The following UQCRC1 variants were observed in gnomAD, a reference collection of about 807,000 sequenced individuals.
UQCRC1 encodes the protein ubiquinol-cytochrome c reductase core protein 1.
In UQCRC1, 34 loss-of-function variants were observed where a neutral mutation model predicts 58.0. The observed-to-expected ratio is 0.59, with a 90% CI of 0.45 to 0.78. The LOEUF (loss-of-function observed/expected upper bound fraction) is 0.78, where lower values mean the gene tolerates loss of function less well. Among genes scored for constraint, UQCRC1 ranks in the 30% least tolerant of loss-of-function variants. The probability of loss-of-function intolerance (pLI) is 0.00; values close to 1 mark genes in which losing one functional copy is unlikely to be tolerated. For missense variants in UQCRC1, 610 were observed against 646.0 expected (o/e 0.94, Z 0.60); for synonymous variants, 276 against 248.8 (o/e 1.11, Z -1.03).
In UQCRC1 at chr3:48,602,293, C is replaced by T. The variant is rs181463541; in HGVS notation, c.707-826G>A. On this transcript the variant is annotated intron_variant, in intron 6 of 12. Transcript: ENST00000203407. ...GTCTCGAGCTCCTGATCTTGTGATC[C>T]GCCCGCCTCGGCCTCCCAAAGTGCT... Among the ~76,000 whole-genome samples, 943 of 152,118 alleles carry T rather than the reference C, an allele frequency of 6.2e-3. 4 individuals are homozygous for T. Among genetic ancestry groups the T allele is most frequent in the Non-Finnish European group, 9.9e-3 (672 of 67,986 alleles).
chr3:48,599,478 A>G, intron 12 of UQCRC1, 157 bp downstream of exon 12: 1 of 816,000 alleles, frequency 1.2e-6, no homozygotes, highest in Non-Finnish European at 1.9e-6. Context: ...TTTTCTGAGC[A>G]AGAACTCCCT....
In UQCRC1 at chr3:48,604,229, T is replaced by C. The variant is rs770821512; in HGVS notation, c.626+4A>G. ...ATCCCCCCACAAGGCCAGCCAACTC[T>C]CACCTGACATTCTCACTGGGCCCCT... On this transcript the variant is annotated splice_donor_region_variant and intron_variant, in intron 5 of 12. Coordinates refer to ENST00000203407, the MANE Select transcript of UQCRC1 (RefSeq NM_003365.3). 1.5e-5 allele frequency: 24 copies of C among 1,611,922 alleles called. No homozygotes were observed. The Admixed American group carries it at 2.8e-4, about 19-fold the overall frequency.
intron 6 of UQCRC1, 37 bp downstream of exon 6, chr3:48,603,527 C>G (rs750386055): frequency 6.2e-7 from 1 of 1,607,220 alleles, no homozygotes; most frequent in African/African-American, 1.3e-5. Flanking sequence ...AAGGCTGGGA[C>G]CCCACTACCC....
Position 48,600,556 on chromosome 3 carries a change from C to T in UQCRC1, c.1139G>A (p.Cys380Tyr). The change falls in exon 10 of 13, where the codon TGT becomes TAT. Residue 380 changes from cysteine (C) to tyrosine (Y), a missense_variant. Physicochemically the swap from Cys to Tyr is radical, Grantham distance 194 (BLOSUM62 -2). Coordinates refer to ENST00000203407, the MANE Select transcript of UQCRC1 (RefSeq NM_003365.3). ...CACCTCACTCTCCGTGGCACTGGTA[C>T]ACAGGCGCATCCTAAAGTGGGGGGG... The part of the protein sequence containing the change: ...FVLQGQWMRL[C>Y]TSATESEVAR... The T allele has an allele frequency of 6.2e-7, 1 of 1,614,116 alleles. No homozygotes were observed. The highest frequency in any genetic ancestry group is 1.6e-4 in the Middle Eastern group (1 of 6,062).
intron 1 of UQCRC1, 31 bp downstream of exon 1, chr3:48,609,521 C>T: frequency 6.5e-7 from 1 of 1,548,784 alleles, no homozygotes; most frequent in South Asian, 1.2e-5. Flanking sequence ...AAGCCCTGTC[C>T]CGAAGCCCCG....
intron 7 of UQCRC1, 26 bp from the exon 8 acceptor site, chr3:48,601,144 G>A: frequency 6.3e-7 from 1 of 1,583,580 alleles, no homozygotes; most frequent in Non-Finnish European, 8.6e-7. Flanking sequence ...ACAAGGCTGA[G>A]GAACAGCCAG....
At position 48,604,116 on chromosome 3, in the gene UQCRC1, G is replaced by A. The variant is rs1028765536; in HGVS notation, c.626+117C>T. 9 of 1,114,870 alleles carry A rather than the reference G, an allele frequency of 8.1e-6. No individual in the cohort carries two copies. In the African/African-American group the frequency reaches 1.2e-4, roughly 15 times the overall value. The allele number at this position is 1,114,870 out of a possible 1,614,324, so 69.1% of individuals were successfully genotyped here. A position where few individuals can be genotyped will look rare whatever the true frequency, so the allele number is the denominator to read the frequency against. On this transcript the variant is annotated intron_variant, in intron 5 of 12. Coordinates refer to ENST00000203407, the MANE Select transcript of UQCRC1 (RefSeq NM_003365.3). Reference sequence around the variant, plus strand: ...CACATGGATACAGAAACTGTCTCCAGTTGCATAACTCAGGAAAATAACCCC... The same window carrying A: ...CACATGGATACAGAAACTGTCTCCAATTGCATAACTCAGGAAAATAACCCC...
chr3:48,603,999 T>TG (rs2046389054), intron 5 of UQCRC1: 1 of 599,044 alleles, frequency 1.7e-6, no homozygotes. Context: ...ACTTCGCCCT[T>TG]GGACTGTCAG....
At position 48,600,792 on chromosome 3, in the gene UQCRC1, G is replaced by A. The variant is rs759969765; in HGVS notation, c.1015C>T (p.Gln339Ter). ...CAGATGCTGAAGGTCTGGAAACTCTGGCATAGCTTGTTGGCCACAGCACCT... is the reference window on the plus strand; with the variant it reads ...CAGATGCTGAAGGTCTGGAAACTCTAGCATAGCTTGTTGGCCACAGCACCT... ...ASGAVANKLC[Q>*]SFQTFSICYA... Residue 339 changes from glutamine (Q) to a stop codon, truncating the protein, a stop_gained, in exon 9 of 13, where the codon CAG (glutamine) becomes TAG (stop). Coordinates refer to ENST00000203407, the MANE Select transcript of UQCRC1 (RefSeq NM_003365.3). LOFTEE classifies it high-confidence loss of function. 5 of 1,613,992 alleles carry A rather than the reference G, an allele frequency of 3.1e-6. No homozygotes were observed. The highest frequency in any genetic ancestry group is 4.2e-6 in the Non-Finnish European group (5 of 1,180,046).
Position 48,599,177 on chromosome 3 carries a change from A to T in UQCRC1, c.1394T>A (p.Leu465His). The change falls in exon 13 of 13, where the codon CTC (leucine) becomes CAC (histidine). Residue 465 changes from leucine to histidine, a missense_variant. Physicochemically the swap from Leu to His is moderately conservative, Grantham distance 99. Coordinates refer to ENST00000203407, the MANE Select transcript of UQCRC1 (RefSeq NM_003365.3). Reference protein sequence around the residue: ...AVAGYGPIEQLPDYNRIRSGM... With the variant: ...AVAGYGPIEQHPDYNRIRSGM... ...GCTACGGATCCGGTTGTAGTCTGGG[A>T]GCTGCTCAATGGGGCCTGTGGGGAT... The T allele has an allele frequency of 6.2e-7, 1 of 1,608,952 alleles. No individual in the cohort carries two copies. Among genetic ancestry groups the T allele is most frequent in the Non-Finnish European group, 8.5e-7 (1 of 1,176,942 alleles).
chr3:48,601,457 G>A lies in UQCRC1; in HGVS notation c.717C>T (p.His239=). ...MVLAAAGGVE[H]QQLLDLAQKH... is the part of the protein sequence containing the mutation. ...TCTGGGCGAGGTCTAACAGTTGCTG[G>A]TGCTCCACTCCTGCTGAGACAGACA... is the stretch of plus-strand genomic sequence containing the variant. Residue 239 remains histidine, a synonymous_variant, in exon 7 of 13, where the codon CAC becomes CAT. Transcript: ENST00000203407. 1.2e-6 allele frequency: 2 copies of A among 1,613,982 alleles called. No individual in the cohort carries two copies. Among genetic ancestry groups the A allele is most frequent in the Non-Finnish European group, 8.5e-7 (1 of 1,179,958 alleles).
At chr3:48,609,412 C>G (rs1020348016) in intron 1 of UQCRC1, 110 bp from the exon 2 acceptor site, 25 of 1,513,146 alleles carry the variant, frequency 1.7e-5, no homozygotes, top group Admixed American at 2.0e-5. Context: ...GGCGAGATAC[C>G]TTTCCCCGCC....
Position 48,604,367 on chromosome 3 carries a change from T to C in UQCRC1, c.492A>G (p.Glu164=). The C allele has an allele frequency of 1.2e-6, 2 of 1,614,190 alleles. No homozygotes were observed. The highest frequency in any genetic ancestry group is 1.7e-6 in the Non-Finnish European group (2 of 1,180,040). The change falls in exon 5 of 13, where the codon GAA becomes GAG. Residue 164 remains glutamate (E), a synonymous_variant. Coordinates refer to ENST00000203407, the MANE Select transcript of UQCRC1 (RefSeq NM_003365.3). ...CSLEDSQIEK[E]RDVILREMQE... ...GCATCTCCCGCAGGATCACATCACG[T>C]TCCTTCTCAATCTGTGAGTCTTCCA...
At chr3:48,601,600 G>A in intron 6 of UQCRC1, 133 bp from the exon 7 acceptor site, 1 of 818,078 alleles carries the variant, frequency 1.2e-6, no homozygotes, top group Non-Finnish European at 2.0e-6. Flanking sequence ...ATTAGAACAG[G>A]GTGAGGAAAG....
chr3:48,601,861 C>A (rs1340491908), intron 6 of UQCRC1, among the ~76,000 whole-genome samples: 2 of 152,194 alleles, frequency 1.3e-5, no homozygotes, highest in Non-Finnish European at 2.9e-5. Context: ...TTTCTGGCTG[C>A]TGGCCCTGCA....
chr3:48,603,764 C>G (rs13085761), intron 5 of UQCRC1, 121 bp from the exon 6 acceptor site: 1 of 907,892 alleles, frequency 1.1e-6, no homozygotes, highest in Non-Finnish European at 1.7e-6. Flanking sequence ...AGAGTGGGCC[C>G]TAGCACACTC....
intron 12 of UQCRC1, 138 bp from the exon 13 acceptor site, chr3:48,599,330 TC>T (rs1374228738): frequency 9.7e-7 from 1 of 1,030,384 alleles, no homozygotes; most frequent in Non-Finnish European, 1.4e-6. Flanking sequence ...GAGAGAACAT[TC>T]CCCCAGGGGT....
At chr3:48,601,600 G>C in intron 6 of UQCRC1, 133 bp from the exon 7 acceptor site, 2 of 818,078 alleles carry the variant, frequency 2.4e-6, no homozygotes, top group East Asian at 5.4e-5. Context: ...ATTAGAACAG[G>C]GTGAGGAAAG....
chr3:48,601,524 G>T, intron 6 of UQCRC1, 57 bp from the exon 7 acceptor site: 1 of 1,535,532 alleles, frequency 6.5e-7, no homozygotes, highest in Non-Finnish European at 8.9e-7. Context: ...ACAGGGTGGG[G>T]CGATTCACAG....
Sources: gnomAD v4.1 joint callset for allele counts (sites outside exome capture counted in the v4.1 genomes callset) on GRCh38, gnomAD v4.1.1 for gene constraint, MANE v1.5 for transcripts, NCBI Gene and HGNC (gene_info 2026-07-23, HGNC 2026-07-21) for gene names.